Variants in TLR6 observed in about 807,000 individuals in gnomAD.
TLR6 encodes the protein toll like receptor 6, also known as toll-like receptor 6.
A neutral mutation model predicts 16.1 loss-of-function variants in TLR6; 9 were observed. The ratio of observed to expected loss-of-function variants is 0.56; its 90% CI spans 0.34 to 0.98. The LOEUF (loss-of-function observed/expected upper bound fraction) is 0.98. Among genes scored for constraint, TLR6 ranks in the 50% least tolerant of loss-of-function variants. The pLI is 0.02. For missense variants in TLR6, 786 were observed against 921.0 expected, an observed-to-expected ratio of 0.85 and a Z score of 1.90; for synonymous variants, 340 against 338.6, an observed-to-expected ratio of 1.00 and a Z score of -0.04.
At chr4:38,864,368 A>G in the TLR6 span, among the ~76,000 whole-genome samples, 4 of 152,252 alleles carry the variant, frequency 2.6e-5, no homozygotes. Context: ...TGGTTGACCC[A>G]TAATGAAGGG....
chr4:38,844,005 C>T (rs369234), intron 1 of TLR6, among the ~76,000 whole-genome samples: 1 of 152,166 alleles, frequency 6.6e-6, no homozygotes, highest in South Asian at 2.1e-4. Flanking sequence ...TAATGAGTAG[C>T]TAGGCAGTGT....
chr4:38,827,277 G>A (rs369675067), exon 2 of TLR6: 6 of 1,614,006 alleles, frequency 3.7e-6, no homozygotes, highest in Middle Eastern at 3.3e-4. Flanking sequence ...AGTAAGATGA[G>A]GATTAAGTTA....
intron 1 of TLR6, among the ~76,000 whole-genome samples, chr4:38,847,755 GA>G (rs1712590749): frequency 6.6e-6 from 1 of 152,256 alleles, no homozygotes; most frequent in Admixed American, 6.5e-5. Flanking sequence ...AGCCATTGCT[GA>G]GGCTTGAGTA....
rs1298229374 is a variant in TLR6 at position 38,829,496 on chromosome 4, A to C, written c.-23T>G. Reference sequence around the variant, plus strand: ...CATGATGTTGCAGTGGCTATCCTAAAGGGTTGTTCTTCTTCAGAGCATCTT... The same window carrying C: ...CATGATGTTGCAGTGGCTATCCTAACGGGTTGTTCTTCTTCAGAGCATCTT... On this transcript the variant is annotated 5_prime_UTR_variant, in exon 2 of 2. Transcript: ENST00000436693. 4 of 1,480,188 alleles carry C rather than the reference A, an allele frequency of 2.7e-6. No homozygotes were observed. In the South Asian group the frequency reaches 4.7e-5, roughly 18 times the overall value. 91.7% of individuals were successfully genotyped at this position (1,480,188 alleles called of 1,614,324 possible). A position where few individuals can be genotyped will look rare whatever the true frequency, so the allele number is the denominator to read the frequency against.
the TLR6 span, among the ~76,000 whole-genome samples, chr4:38,861,934 C>T: frequency 6.6e-6 from 1 of 152,328 alleles, no homozygotes; most frequent in South Asian, 2.1e-4. Flanking sequence ...CCAGGCCAGA[C>T]TTCCCTGAAC....
the TLR6 span, among the ~76,000 whole-genome samples, chr4:38,862,710 C>G: frequency 1.3e-5 from 2 of 150,480 alleles, no homozygotes; most frequent in East Asian, 4.0e-4. Flanking sequence ...ATTCTCCTGC[C>G]TCAGCCTCCC....
intron 1 of TLR6, among the ~76,000 whole-genome samples, chr4:38,848,743 G>C (rs111820878): frequency 7.2e-5 from 11 of 152,306 alleles, no homozygotes; most frequent in African/African-American, 2.4e-4. Context: ...AGAGTAAAAA[G>C]AAACAAACAA....
chr4:38,829,087 T>A, exon 2 of TLR6: 1 of 1,614,198 alleles, frequency 6.2e-7, no homozygotes, highest in African/African-American at 1.3e-5. Context: ...AATCATTGAA[T>A]GAGAGATCTA....
the TLR6 span, among the ~76,000 whole-genome samples, chr4:38,864,294 T>G: frequency 1.3e-5 from 2 of 152,152 alleles, no homozygotes; most frequent in Admixed American, 1.3e-4. Flanking sequence ...TCTTTTGTAC[T>G]CCAAGCACCT....
At chr4:38,863,109 T>C in the TLR6 span, among the ~76,000 whole-genome samples, 2 of 152,144 alleles carry the variant, frequency 1.3e-5, no homozygotes, top group Admixed American at 1.3e-4. Flanking sequence ...GAAATAGCTC[T>C]TTTCAAGGTC....
intron 1 of TLR6, among the ~76,000 whole-genome samples, chr4:38,849,467 A>T (rs892645712): frequency 2.0e-5 from 3 of 152,216 alleles, no homozygotes; most frequent in Non-Finnish European, 4.4e-5. Flanking sequence ...GCTCCAATTA[A>T]AAGACACAGA....
chr4:38,827,303 A>G (rs1325959316), exon 2 of TLR6: 1 of 1,614,090 alleles, frequency 6.2e-7, no homozygotes, highest in Non-Finnish European at 8.5e-7. Flanking sequence ...TCCTTCATGA[A>G]AGAGATTGTG....
At chr4:38,835,574 A>G (rs1711870411) in intron 1 of TLR6, among the ~76,000 whole-genome samples, 1 of 152,234 alleles carries the variant, frequency 6.6e-6, no homozygotes, top group Admixed American at 6.5e-5. Flanking sequence ...TAGACAGAAT[A>G]TCAGCAAAGA....
At chr4:38,850,751 C>CA in intron 1 of TLR6, among the ~76,000 whole-genome samples, 1 of 151,992 alleles carries the variant, frequency 6.6e-6, no homozygotes, top group African/African-American at 2.4e-5. Context: ...GCCTACCAAC[C>CA]AAAAAAAGTC....
At chr4:38,868,107 A>G in the TLR6 span, 2 of 290,184 alleles carry the variant, frequency 6.9e-6, no homozygotes, top group African/African-American at 2.3e-5. Flanking sequence ...TCATGCACAC[A>G]CCCACACGCC....
chr4:38,858,888 AG>A (rs1560274755), upstream of TLR6, among the ~76,000 whole-genome samples: 335 of 45,484 alleles, frequency 7.4e-3, 7 homozygotes, highest in East Asian at 0.11. Flanking sequence ...AGAAAGAAAG[AG>A]AGAAAGAAAG....
intron 1 of TLR6, among the ~76,000 whole-genome samples, chr4:38,855,677 A>T (rs1712954252): frequency 6.6e-6 from 1 of 152,210 alleles, no homozygotes; most frequent in Non-Finnish European, 1.5e-5. Context: ...AAAGCTGGTC[A>T]GCTGTCCTTA....
At chr4:38,831,472 G>A (rs149801444) in intron 1 of TLR6, among the ~76,000 whole-genome samples, 92 of 152,144 alleles carry the variant, frequency 6.0e-4, no homozygotes, top group Non-Finnish European at 1.1e-3. Context: ...TTTGAGATAC[G>A]CATCAAAAAC....
exon 2 of TLR6, chr4:38,827,018 C>A (rs150514907): frequency 2.4e-6 from 3 of 1,270,294 alleles, no homozygotes; most frequent in African/African-American, 1.5e-5. Context: ...CAGTTACTTA[C>A]GACTGTACTA....
Sources: gnomAD v4.1 joint callset for allele counts (sites outside exome capture counted in the v4.1 genomes callset) on GRCh38, gnomAD v4.1.1 for gene constraint, MANE v1.5 for transcripts, NCBI Gene and HGNC (gene_info 2026-07-23, HGNC 2026-07-21) for gene names.